Variants in LHX8 observed in about 807,000 individuals in gnomAD.
LHX8 encodes LIM/homeobox protein Lhx8.
In LHX8, 12 loss-of-function variants were observed where a neutral mutation model predicts 40.3. The observed-to-expected ratio is 0.30, with a 90% CI of 0.19 to 0.48. LHX8 has a LOEUF of 0.48. LHX8 is among the 20% of genes least tolerant of loss of function. LHX8 has a pLI of 0.99. For synonymous variants in LHX8, 179 were observed against 162.0 expected (o/e 1.10, Z -0.80); for missense variants, 344 against 433.7 (o/e 0.79, Z 1.84).
At chr1:75,145,638 A>G (rs1259968117) in intron 6 of LHX8, among the ~76,000 whole-genome samples, 2 of 152,130 alleles carry the variant, frequency 1.3e-5, no homozygotes, top group Non-Finnish European at 2.9e-5. Context: ...AGTGGTTGAG[A>G]AGAGATTTGG....
At chr1:75,191,946 C>T in the LHX8 span, among the ~76,000 whole-genome samples, 1 of 151,792 alleles carries the variant, frequency 6.6e-6, no homozygotes, top group African/African-American at 2.4e-5. Context: ...TATAGTTTTA[C>T]ATGAAAAGGA....
chr1:75,170,430 A>G, the LHX8 span, among the ~76,000 whole-genome samples: 2 of 152,204 alleles, frequency 1.3e-5, no homozygotes, highest in Non-Finnish European at 2.9e-5. Flanking sequence ...CAGCTTCCCT[A>G]TAAACTACTT....
At chr1:75,130,674 C>A (rs751566643), upstream of LHX8, 3 of 1,604,060 alleles carry the variant, frequency 1.9e-6, no homozygotes, top group Non-Finnish European at 2.6e-6. Flanking sequence ...CGGTAAGTCC[C>A]AAGGTGAGCC....
Position 75,134,474 on chromosome 1 carries a change from C to T in LHX8, c.-493C>T, listed in dbSNP as rs1383072002. ...GAAAGTGGTCAGGCCACAGCGGCCT[C>T]TTTGGACGAAGACACACTTGTAGCA... is the stretch of plus-strand genomic sequence containing the variant. On this transcript the variant is annotated 5_prime_UTR_variant, in exon 1 of 9. Coordinates refer to ENST00000356261, the MANE Select transcript of LHX8 (RefSeq NM_001256114.2). Among the ~76,000 whole-genome samples, 1 of 150,322 alleles carries T rather than the reference C, an allele frequency of 6.7e-6. No homozygotes were observed. The highest frequency in any genetic ancestry group is 1.5e-5 in the Non-Finnish European group (1 of 67,900).
the LHX8 span, among the ~76,000 whole-genome samples, chr1:75,181,714 G>A: frequency 1.1e-4 from 16 of 152,254 alleles, no homozygotes; most frequent in South Asian, 4.1e-4. Flanking sequence ...CCCACTTTCC[G>A]AGCAGTCCCA....
chr1:75,145,586 C>T (rs1363909567), intron 6 of LHX8, among the ~76,000 whole-genome samples: 1 of 152,112 alleles, frequency 6.6e-6, no homozygotes. Context: ...CAACAAACCT[C>T]ATTCAAGAGT....
chr1:75,192,113 A>G, the LHX8 span, among the ~76,000 whole-genome samples: 2 of 152,200 alleles, frequency 1.3e-5, no homozygotes, highest in Admixed American at 6.5e-5. Flanking sequence ...TATTTCATAT[A>G]GTTGTTTTAA....
chr1:75,130,953 A>G, upstream of LHX8: 4 of 624,114 alleles, frequency 6.4e-6, no homozygotes, highest in South Asian at 7.2e-5. Context: ...GCACCTTCTT[A>G]TGATCGCGAA....
chr1:75,184,098 C>A, the LHX8 span, among the ~76,000 whole-genome samples: 1 of 152,126 alleles, frequency 6.6e-6, no homozygotes, highest in Non-Finnish European at 1.5e-5. Flanking sequence ...TATATATGTA[C>A]CCAAAACAGA....
At chr1:75,141,836 G>T (rs998623853) in intron 4 of LHX8, among the ~76,000 whole-genome samples, 2 of 152,160 alleles carry the variant, frequency 1.3e-5, no homozygotes, top group African/African-American at 4.8e-5. Context: ...TTTTCTAAAT[G>T]AAAAATGTTC....
At chr1:75,138,982 A>G (rs1425510516) in intron 3 of LHX8, among the ~76,000 whole-genome samples, 1 of 152,062 alleles carries the variant, frequency 6.6e-6, no homozygotes, top group African/African-American at 2.4e-5. Context: ...AAACTGAATT[A>G]TTAACCTTTA....
At position 75,148,610 on chromosome 1, in the gene LHX8, G is replaced by C. The variant is rs1648525423; in HGVS notation, c.708G>C (p.Gln236His). The C allele has an allele frequency of 6.2e-7, 1 of 1,613,680 alleles. No individual in the cohort carries two copies. Among genetic ancestry groups the C allele is most frequent in the Non-Finnish European group, 8.5e-7 (1 of 1,179,862 alleles). The stretch of plus-strand genomic sequence containing the variant: ...AGGTTATGCAAGCACAATTTGCTCA[G>C]GACAACAACCCAGATGCACAGACAC... The part of the protein sequence containing the change: ...QLQVMQAQFA[Q>H]DNNPDAQTLQ... The change falls in exon 7 of 9, where the codon CAG becomes CAC. Residue 236 changes from glutamine to histidine, a missense_variant. Around this residue, in one of 3 missense-constraint regions of LHX8, gnomAD observed 147 missense variants for 250.8 expected, o/e 0.59. Coordinates refer to ENST00000356261, the MANE Select transcript of LHX8 (RefSeq NM_001256114.2).
At chr1:75,178,559 C>G in the LHX8 span, among the ~76,000 whole-genome samples, 1 of 152,030 alleles carries the variant, frequency 6.6e-6, no homozygotes, top group African/African-American at 2.4e-5. Context: ...TGATTCTTCT[C>G]TCTTTTTTTC....
chr1:75,149,175 C>CT (rs1399401441), intron 7 of LHX8, among the ~76,000 whole-genome samples: 1 of 152,160 alleles, frequency 6.6e-6, no homozygotes, highest in East Asian at 1.9e-4. Flanking sequence ...GTGATGGCTG[C>CT]TGATGGCCTT....
intron 6 of LHX8, among the ~76,000 whole-genome samples, chr1:75,147,624 T>C (rs1442306461): frequency 6.6e-6 from 1 of 152,350 alleles, no homozygotes; most frequent in East Asian, 1.9e-4. Context: ...CCACATCCTA[T>C]GCCTGTAGAC....
At chr1:75,164,978 C>T (rs1038106001), downstream of LHX8, among the ~76,000 whole-genome samples, 1 of 152,112 alleles carries the variant, frequency 6.6e-6, no homozygotes, top group African/African-American at 2.4e-5. Flanking sequence ...CAGCCGAAAA[C>T]TAGTATCTTA....
chr1:75,133,654 C>G (rs766390291), upstream of LHX8, among the ~76,000 whole-genome samples: 8 of 152,096 alleles, frequency 5.3e-5, no homozygotes, highest in Non-Finnish European at 1.0e-4. Flanking sequence ...TCTGTTTAAA[C>G]AAACACACCT....
chr1:75,143,276 A>C lies in LHX8; in HGVS notation c.518A>C (p.Lys173Thr). The part of the protein sequence containing the change: ...TGEEFALVEE[K>T]VLCRVHYDCM... The stretch of plus-strand genomic sequence containing the variant: ...GAGGAGTTTGCTTTGGTGGAAGAGA[A>C]AGTCCTCTGCAGAGTACATTATGAC... The change falls in exon 5 of 9, where the codon AAA becomes ACA. Residue 173 changes from lysine to threonine, a missense_variant. Lys to Thr is a moderately conservative substitution (Grantham distance 78). Coordinates refer to ENST00000356261, the MANE Select transcript of LHX8 (RefSeq NM_001256114.2). The C allele has an allele frequency of 6.2e-7, 1 of 1,613,854 alleles. No homozygotes were observed. The highest frequency in any genetic ancestry group is 8.5e-7 in the Non-Finnish European group (1 of 1,179,768).
intron 4 of LHX8, 121 bp downstream of exon 4, chr1:75,141,227 G>T: frequency 9.4e-7 from 1 of 1,067,626 alleles, no homozygotes; most frequent in Non-Finnish European, 1.4e-6. Flanking sequence ...TTATTTAAGA[G>T]ATTTCAAAAT....
Sources: gnomAD v4.1 joint callset for allele counts (sites outside exome capture counted in the v4.1 genomes callset) on GRCh38, gnomAD v4.1.1 for gene constraint, gnomAD v4.1.1 regional missense constraint, MANE v1.5 for transcripts, NCBI Gene and HGNC (gene_info 2026-07-23, HGNC 2026-07-21) for gene names.